The following PRSS23 variants were observed in gnomAD, a reference collection of about 807,000 sequenced individuals.
The protein encoded by PRSS23 is protease, serine 23.
PRSS23 carries 25 observed loss-of-function variants against 34.7 expected under a neutral mutation model. The observed-to-expected ratio is 0.72, with a 90% CI of 0.53 to 1.01. The LOEUF is 1.01. Ranked by LOEUF, PRSS23 falls within the 50% of genes least tolerant of loss-of-function variation. PRSS23 has a pLI of 0.00. For missense variants in PRSS23, 445 were observed against 475.6 expected (o/e 0.94, Z 0.60); for synonymous variants, 176 against 186.6 (o/e 0.94, Z 0.46).
At chr11:86,890,692 T>G (rs1948835769) in intron 2 of PRSS23, among the ~76,000 whole-genome samples, 1 of 152,010 alleles carries the variant, frequency 6.6e-6, no homozygotes, top group African/African-American at 2.4e-5. Context: ...GGTTGCCAGG[T>G]GGAGGTCATT....
At chr11:86,818,769 T>C (rs1311950494) in intron 1 of PRSS23, among the ~76,000 whole-genome samples, 5 of 152,138 alleles carry the variant, frequency 3.3e-5, no homozygotes, top group African/African-American at 1.2e-4. Flanking sequence ...CCTTCTCCCA[T>C]TTGCAGAGAG....
rs1489281033 is a variant in PRSS23 at position 86,894,235 on chromosome 11, C to CAG, written c.207-56981_207-56980insAG. On this transcript the variant is annotated intron_variant, in intron 2 of 2. Coordinates refer to the PRSS23 transcript ENST00000533902. ...ATGTTGTCCAAGCTGGTCTCAAACT[C>CAG]CTGACCTCAAGTGATCTGCCCGCCT... is the stretch of plus-strand genomic sequence containing the variant. Among the ~76,000 whole-genome samples the CAG allele has an allele frequency of 2.6e-5, 4 of 152,284 alleles. No homozygotes were observed. In the East Asian group the frequency reaches 5.8e-4, roughly 22 times the overall value.
chr11:86,845,728 C>CA (rs201451335), intron 2 of PRSS23, among the ~76,000 whole-genome samples: 3 of 151,954 alleles, frequency 2.0e-5, no homozygotes, highest in Admixed American at 6.5e-5. Context: ...CTATAAACAG[C>CA]AAAAAAATTT....
intron 2 of PRSS23, among the ~76,000 whole-genome samples, chr11:86,824,824 G>T (rs1243427912): frequency 6.6e-6 from 1 of 151,836 alleles, no homozygotes; most frequent in African/African-American, 2.4e-5. Context: ...ATTTTTTATG[G>T]CTGCATAGTA....
At chr11:86,853,671 A>T (rs1948547858) in intron 2 of PRSS23, among the ~76,000 whole-genome samples, 1 of 152,186 alleles carries the variant, frequency 6.6e-6, no homozygotes, top group Admixed American at 6.5e-5. Flanking sequence ...TGCTGTTGTG[A>T]ATAATGCTGC....
chr11:86,944,353 T>C (rs1949226336), intron 2 of PRSS23, among the ~76,000 whole-genome samples: 1 of 151,988 alleles, frequency 6.6e-6, no homozygotes, highest in South Asian at 2.1e-4. Flanking sequence ...GCAAAGACCC[T>C]ATTTCCTAAT....
At position 86,807,846 on chromosome 11, in the gene PRSS23, A is replaced by G. The variant is rs143953000; in HGVS notation, c.203A>G (p.Gln68Arg). The G allele has an allele frequency of 8.1e-6, 13 of 1,614,118 alleles. No individual in the cohort carries two copies. Among genetic ancestry groups the G allele is most frequent in the Non-Finnish European group, 1.0e-5 (12 of 1,180,024 alleles). ...KLEVSSSCGPQCHKGTPLPTY... is the reference protein window; with the variant it reads ...KLEVSSSCGPRCHKGTPLPTY... ...GAAGTATCTTCTTCATGTGGACCCC[A>G]GTGTCATAAGGGAACTCCACTGCCC... The change falls in exon 2 of 2, where the codon CAG becomes CGG. Residue 68 changes from glutamine (Q) to arginine (R), a missense_variant. Coordinates refer to ENST00000280258, the MANE Select transcript of PRSS23 (RefSeq NM_007173.6).
chr11:86,889,096 C>T (rs1948824179), intron 2 of PRSS23, among the ~76,000 whole-genome samples: 1 of 152,180 alleles, frequency 6.6e-6, no homozygotes, highest in Non-Finnish European at 1.5e-5. Context: ...TCTTTCTGCC[C>T]ATCTCTGCTA....
chr11:86,867,141 T>C (rs1565370944), intron 2 of PRSS23, among the ~76,000 whole-genome samples: 3 of 152,354 alleles, frequency 2.0e-5, no homozygotes, highest in South Asian at 4.1e-4. Flanking sequence ...TCTTCACATA[T>C]ACTAGTGAGT....
chr11:86,917,589 A>G (rs1217019809), intron 2 of PRSS23, among the ~76,000 whole-genome samples: 1 of 152,210 alleles, frequency 6.6e-6, no homozygotes, highest in Non-Finnish European at 1.5e-5. Context: ...CAGCAAGAGG[A>G]ATGAAAGGTA....
At chr11:86,897,274 A>C (rs1948882952) in intron 2 of PRSS23, among the ~76,000 whole-genome samples, 1 of 152,122 alleles carries the variant, frequency 6.6e-6, no homozygotes, top group Admixed American at 6.5e-5. Context: ...TTTTATTTTA[A>C]ATTTCTTAGA....
chr11:86,853,709 T>A (rs1222932365), intron 2 of PRSS23, among the ~76,000 whole-genome samples: 1 of 152,184 alleles, frequency 6.6e-6, no homozygotes, highest in Admixed American at 6.5e-5. Flanking sequence ...AAATATCTCT[T>A]CCACTGCTGG....
At chr11:86,837,246 T>C (rs1411121640) in intron 2 of PRSS23, 1 of 152,208 alleles carries the variant, frequency 6.6e-6, no homozygotes, top group Non-Finnish European at 1.5e-5. Flanking sequence ...TGCCACAAGT[T>C]CCCTTGATTT....
intron 1 of PRSS23, among the ~76,000 whole-genome samples, chr11:86,819,104 A>G (rs1948235154): frequency 6.6e-6 from 1 of 152,208 alleles, no homozygotes; most frequent in African/African-American, 2.4e-5. Context: ...TCAGCACTCC[A>G]TAGGCCTCAG....
At chr11:86,855,705 A>G (rs1263195654) in intron 2 of PRSS23, among the ~76,000 whole-genome samples, 2 of 152,224 alleles carry the variant, frequency 1.3e-5, no homozygotes, top group Non-Finnish European at 2.9e-5. Context: ...CATGTTGGCC[A>G]GTCTGATCTC....
Position 86,807,754 on chromosome 11 carries a change from C to T in PRSS23, c.111C>T (p.Leu37=). 1 of 1,614,156 alleles carries T rather than the reference C, an allele frequency of 6.2e-7. No homozygotes were observed. The highest frequency in any genetic ancestry group is 8.5e-7 in the Non-Finnish European group (1 of 1,180,026). The change falls in exon 2 of 2, where the codon CTC becomes CTT. Residue 37 remains leucine (L), a synonymous_variant. Transcript: ENST00000280258. ...PWKPTWPAYR[L]PVVLPQSTLN... is the part of the protein sequence containing the mutation. ...AACCCACTTGGCCTGCATACCGCCTCCCTGTCGTCTTGCCCCAGTCTACCC... is the reference window on the plus strand; with the variant it reads ...AACCCACTTGGCCTGCATACCGCCTTCCTGTCGTCTTGCCCCAGTCTACCC...
intron 2 of PRSS23, among the ~76,000 whole-genome samples, chr11:86,879,487 G>T (rs1380792305): frequency 7.9e-6 from 1 of 127,254 alleles, no homozygotes; most frequent in Non-Finnish European, 1.7e-5. Flanking sequence ...CGCCCCGTCC[G>T]GGAGGGAGGT....
intron 2 of PRSS23, among the ~76,000 whole-genome samples, chr11:86,824,575 C>T (rs1948284052): frequency 6.7e-6 from 1 of 148,732 alleles, no homozygotes; most frequent in African/African-American, 2.5e-5. Context: ...GTGTGCTGCA[C>T]CCATTAACTC....
intron 2 of PRSS23, among the ~76,000 whole-genome samples, chr11:86,826,148 T>A (rs1434027752): frequency 2.0e-5 from 3 of 152,020 alleles, no homozygotes; most frequent in Non-Finnish European, 2.9e-5. Flanking sequence ...TATCCTCTTT[T>A]ATTTCCTTGA....
Sources: gnomAD v4.1 joint callset for allele counts (sites outside exome capture counted in the v4.1 genomes callset) on GRCh38, gnomAD v4.1.1 for gene constraint, MANE v1.5 for transcripts, NCBI Gene and HGNC (gene_info 2026-07-23, HGNC 2026-07-21) for gene names.